The following MB21D2 variants were observed in gnomAD, a reference collection of about 807,000 sequenced individuals.
MB21D2 encodes nucleotidyltransferase MB21D2.
Under a neutral mutation model 33.3 loss-of-function variants are expected in MB21D2, and 9 were observed. The ratio of observed to expected loss-of-function variants is 0.27; its 90% CI spans 0.16 to 0.47. The LOEUF is 0.47. Among genes scored for constraint, MB21D2 ranks in the 20% least tolerant of loss-of-function variants. The pLI is 0.99. For missense variants in MB21D2, 540 were observed against 624.6 expected (o/e 0.86, Z 1.44); for synonymous variants, 241 against 236.3 (o/e 1.02, Z -0.18).
At chr3:192,857,814 C>A (rs1355982512) in intron 1 of MB21D2, among the ~76,000 whole-genome samples, 1 of 152,052 alleles carries the variant, frequency 6.6e-6, no homozygotes, top group East Asian at 1.9e-4. Flanking sequence ...ATGGATCTGG[C>A]AAAATCACAT....
At chr3:192,810,512 A>G (rs1327028914) in intron 1 of MB21D2, among the ~76,000 whole-genome samples, 1 of 152,224 alleles carries the variant, frequency 6.6e-6, no homozygotes, top group African/African-American at 2.4e-5. Context: ...ATCACTGGCT[A>G]GTCAAAGAAG....
At chr3:192,850,726 C>T (rs1489041086) in intron 1 of MB21D2, among the ~76,000 whole-genome samples, 1 of 152,172 alleles carries the variant, frequency 6.6e-6, no homozygotes, top group Non-Finnish European at 1.5e-5. Flanking sequence ...CCCTGTGATG[C>T]CTCAAATCCA....
At chr3:192,865,101 A>G (rs1713142200) in intron 1 of MB21D2, among the ~76,000 whole-genome samples, 1 of 152,224 alleles carries the variant, frequency 6.6e-6, no homozygotes, top group Non-Finnish European at 1.5e-5. Flanking sequence ...GCTGCTTCTC[A>G]ACGGTGGAGG....
At chr3:192,852,873 AT>A (rs1340077662) in intron 1 of MB21D2, among the ~76,000 whole-genome samples, 4 of 152,174 alleles carry the variant, frequency 2.6e-5, no homozygotes, top group African/African-American at 9.7e-5. Context: ...GCATTTCCAA[AT>A]TACTCCAGGT....
intron 1 of MB21D2, among the ~76,000 whole-genome samples, chr3:192,801,937 T>C (rs1179849769): frequency 6.6e-6 from 1 of 152,248 alleles, no homozygotes; most frequent in Non-Finnish European, 1.5e-5. Context: ...TATCATTTTC[T>C]TTTTAAAACC....
intron 1 of MB21D2, among the ~76,000 whole-genome samples, chr3:192,836,732 C>T (rs901607789): frequency 9.8e-5 from 15 of 152,288 alleles, no homozygotes; most frequent in African/African-American, 2.9e-4. Context: ...TATTTTGCTA[C>T]GGCAGACTTA....
At position 192,845,763 on chromosome 3, in the gene MB21D2, A is replaced by C. The variant is rs138186305; in HGVS notation, c.212-46113T>G. 7.4e-3 allele frequency among the ~76,000 whole-genome samples: 1,133 copies of C among 152,232 alleles called. 12 individuals are homozygous for C. Among genetic ancestry groups the C allele is most frequent in the African/African-American group, 0.026 (1,097 of 41,524 alleles). On this transcript the variant is annotated intron_variant, in intron 1 of 1. Coordinates refer to ENST00000392452, the MANE Select transcript of MB21D2 (RefSeq NM_178496.4). Reference sequence around the variant, plus strand: ...GGAGTCCACATTATTTTATGCTCTAAAATAATGCCAGAGGCCAGGGGCCAG... The same window carrying C: ...GGAGTCCACATTATTTTATGCTCTACAATAATGCCAGAGGCCAGGGGCCAG...
intron 1 of MB21D2, among the ~76,000 whole-genome samples, chr3:192,835,455 CAAAAAAAAAA>C (rs34280688): frequency 4.9e-5 from 3 of 61,172 alleles, no homozygotes; most frequent in Non-Finnish European, 6.4e-5. Context: ...GACTCTGTCT[CAAAAAAAAAA>C]AAAAAAAAAA....
At chr3:192,874,591 A>C (rs1713388853) in intron 1 of MB21D2, among the ~76,000 whole-genome samples, 1 of 152,196 alleles carries the variant, frequency 6.6e-6, no homozygotes, top group Non-Finnish European at 1.5e-5. Flanking sequence ...CGCCCTTAAA[A>C]ATAACTTTAT....
intron 1 of MB21D2, among the ~76,000 whole-genome samples, chr3:192,902,012 G>A (rs1714115159): frequency 1.3e-5 from 2 of 152,126 alleles, no homozygotes; most frequent in South Asian, 4.1e-4. Context: ...TAGCTGGGAC[G>A]CACCTTCTTA....
intron 1 of MB21D2, among the ~76,000 whole-genome samples, chr3:192,814,585 G>A (rs531713226): frequency 1.2e-4 from 18 of 152,184 alleles, no homozygotes; most frequent in South Asian, 1.0e-3. Flanking sequence ...AGTCTTGGGC[G>A]GGCGCGGTGG....
At chr3:192,813,532 T>C (rs1261976519) in intron 1 of MB21D2, among the ~76,000 whole-genome samples, 2 of 152,056 alleles carry the variant, frequency 1.3e-5, no homozygotes, top group Non-Finnish European at 2.9e-5. Flanking sequence ...ACAATATATA[T>C]ATTGTATGAC....
At chr3:192,870,240 G>A (rs952540024) in intron 1 of MB21D2, among the ~76,000 whole-genome samples, 2 of 152,100 alleles carry the variant, frequency 1.3e-5, no homozygotes, top group African/African-American at 4.8e-5. Flanking sequence ...ATTCCTGACT[G>A]TGTCTCTCTA....
chr3:192,888,686 G>C (rs149566995), intron 1 of MB21D2, among the ~76,000 whole-genome samples: 1 of 152,040 alleles, frequency 6.6e-6, no homozygotes, highest in South Asian at 2.1e-4. Context: ...TTGTGCTTTC[G>C]AGGTGAGCAC....
At chr3:192,872,311 T>G (rs1713322791) in intron 1 of MB21D2, among the ~76,000 whole-genome samples, 1 of 152,028 alleles carries the variant, frequency 6.6e-6, no homozygotes, top group Admixed American at 6.5e-5. Flanking sequence ...GCGCGGGGGC[T>G]CACAACTGTA....
At chr3:192,881,691 G>A (rs972565808) in intron 1 of MB21D2, among the ~76,000 whole-genome samples, 2 of 152,086 alleles carry the variant, frequency 1.3e-5, no homozygotes, top group Non-Finnish European at 2.9e-5. Flanking sequence ...CGGTACCTGT[G>A]GAGGCCAAGA....
chr3:192,862,856 A>G (rs191104395), intron 1 of MB21D2, among the ~76,000 whole-genome samples: 53 of 152,366 alleles, frequency 3.5e-4, no homozygotes, highest in Non-Finnish European at 5.1e-4. Flanking sequence ...GTCCAAAGTC[A>G]AGGCACTGGC....
At chr3:192,819,069 GT>G (rs1711987277) in intron 1 of MB21D2, among the ~76,000 whole-genome samples, 1 of 152,098 alleles carries the variant, frequency 6.6e-6, no homozygotes, top group Admixed American at 6.5e-5. Context: ...TGGAATATAA[GT>G]GACTCATAGT....
chr3:192,805,276 G>C (rs1392826506), intron 1 of MB21D2, among the ~76,000 whole-genome samples: 2 of 152,252 alleles, frequency 1.3e-5, no homozygotes, highest in African/African-American at 4.8e-5. Flanking sequence ...GAATGGGCCT[G>C]GTCTGCCTTG....
Sources: gnomAD v4.1 joint callset for allele counts (sites outside exome capture counted in the v4.1 genomes callset) on GRCh38, gnomAD v4.1.1 for gene constraint, MANE v1.5 for transcripts, NCBI Gene and HGNC (gene_info 2026-07-23, HGNC 2026-07-21) for gene names.